FGF12: variants seen among roughly 807,000 people sequenced by gnomAD.
FGF12 encodes the protein fibroblast growth factor 12B.
In FGF12, 14 loss-of-function variants were observed where a neutral mutation model predicts 23.6. The observed-to-expected ratio is 0.59, with a 90% CI of 0.39 to 0.93. FGF12 has a LOEUF of 0.93. FGF12 is among the 40% of genes least tolerant of loss of function. FGF12 has a pLI of 0.00. For synonymous variants in FGF12, 62 were observed against 77.3 expected, an observed-to-expected ratio of 0.80 and a Z score of 1.04; for missense variants, 175 against 217.8, an observed-to-expected ratio of 0.80 and a Z score of 1.24.
intron 2 of FGF12, among the ~76,000 whole-genome samples, chr3:192,418,166 A>G (rs918194837): frequency 5.9e-5 from 9 of 152,154 alleles, no homozygotes; most frequent in African/African-American, 1.2e-4. Flanking sequence ...CTGGCTTTCA[A>G]TAAAGTCTTA....
At chr3:192,310,375 T>A (rs1041585504) in intron 4 of FGF12, among the ~76,000 whole-genome samples, 2 of 152,198 alleles carry the variant, frequency 1.3e-5, no homozygotes, top group African/African-American at 4.8e-5. Flanking sequence ...AGAAAGTATG[T>A]CTTCATGTGT....
intron 4 of FGF12, among the ~76,000 whole-genome samples, chr3:192,248,810 A>G (rs950677990): frequency 2.0e-5 from 3 of 152,102 alleles, no homozygotes; most frequent in Non-Finnish European, 4.4e-5. Flanking sequence ...TAAAATCCTA[A>G]GAGTTAATTC....
intron 4 of FGF12, among the ~76,000 whole-genome samples, chr3:192,277,374 G>T (rs1560047812): frequency 2.0e-5 from 3 of 151,854 alleles, no homozygotes; most frequent in Non-Finnish European, 4.4e-5. Context: ...GGCTGAATGA[G>T]AAAGCATTCT....
intron 2 of FGF12, among the ~76,000 whole-genome samples, chr3:192,367,341 T>C (rs1719028100): frequency 6.6e-6 from 1 of 152,220 alleles, no homozygotes; most frequent in Non-Finnish European, 1.5e-5. Flanking sequence ...GTATTAACAT[T>C]TAATGTTGTC....
intron 4 of FGF12, among the ~76,000 whole-genome samples, chr3:192,252,643 C>T (rs182690574): frequency 7.2e-5 from 11 of 151,932 alleles, no homozygotes; most frequent in East Asian, 1.9e-4. Flanking sequence ...TACTTTCTGC[C>T]GCCAACTCTT....
At chr3:192,511,166 T>G (rs2108839486) in intron 2 of FGF12, among the ~76,000 whole-genome samples, 1 of 152,090 alleles carries the variant, frequency 6.6e-6, no homozygotes, top group South Asian at 2.1e-4. Context: ...AGAAGGAGGT[T>G]GATTTTCTGG....
At chr3:192,261,687 C>T (rs1247283184) in intron 4 of FGF12, among the ~76,000 whole-genome samples, 2 of 152,130 alleles carry the variant, frequency 1.3e-5, no homozygotes, top group Non-Finnish European at 2.9e-5. Flanking sequence ...TTGCTTACAT[C>T]ATGAGCTTAC....
intron 2 of FGF12, among the ~76,000 whole-genome samples, chr3:192,614,506 A>G (rs770022025): frequency 6.6e-6 from 1 of 151,964 alleles, no homozygotes; most frequent in Non-Finnish European, 1.5e-5. Flanking sequence ...CATTCAAGTT[A>G]ATTTATCTAG....
At chr3:192,503,322 C>T (rs960457) in intron 2 of FGF12, among the ~76,000 whole-genome samples, 115,707 of 151,958 alleles carry the variant, frequency 0.76, 44,675 homozygotes, top group East Asian at 0.84. Flanking sequence ...GCCTCCTGTC[C>T]TGATCCTCTG....
At position 192,648,590 on chromosome 3, in the gene FGF12, G is replaced by T. The variant is rs558930793; in HGVS notation, c.13+78591C>A. ...AAAACCCATGAATTTTCTGGCTTTT[G>T]TTGGTTTTCATTCTTCTCCAACTAG... is the stretch of plus-strand genomic sequence containing the variant. On this transcript the variant is annotated intron_variant, in intron 2 of 5. Coordinates refer to ENST00000445105, the MANE Select transcript of FGF12 (RefSeq NM_004113.6). 3.4e-3 allele frequency among the ~76,000 whole-genome samples: 514 copies of T among 151,446 alleles called. 4 individuals are homozygous for T. The highest frequency in any genetic ancestry group is 0.012 in the African/African-American group (490 of 41,268).
intron 2 of FGF12, among the ~76,000 whole-genome samples, chr3:192,632,417 C>T (rs1175811410): frequency 6.6e-6 from 1 of 152,006 alleles, no homozygotes; most frequent in Non-Finnish European, 1.5e-5. Flanking sequence ...CACTTTTTCC[C>T]CCAGTAAGTA....
intron 2 of FGF12, among the ~76,000 whole-genome samples, chr3:192,656,459 TA>T (rs1716430642): frequency 6.6e-6 from 1 of 152,180 alleles, no homozygotes; most frequent in Non-Finnish European, 1.5e-5. Context: ...TTTGTTTCTC[TA>T]GTGCAGTGGT....
At chr3:192,319,564 TC>T (rs756595877) in intron 4 of FGF12, among the ~76,000 whole-genome samples, 20 of 152,096 alleles carry the variant, frequency 1.3e-4, no homozygotes, top group Non-Finnish European at 2.4e-4. Flanking sequence ...ACCACTGCAC[TC>T]TAGCCTGGGT....
In FGF12 at chr3:192,727,330, G is replaced by A; in HGVS notation, c.-130-7C>T. 6.5e-7 allele frequency: 1 copy of A among 1,546,622 alleles called. No individual in the cohort carries two copies. The highest frequency in any genetic ancestry group is 2.0e-5 in the Admixed American group (1 of 50,818). On this transcript the variant is annotated splice_polypyrimidine_tract_variant and splice_region_variant and intron_variant, in intron 1 of 5. Coordinates refer to ENST00000445105, the MANE Select transcript of FGF12 (RefSeq NM_004113.6). ...TTCCTTCCCCTCAGGCTTCCTGAAA[G>A]ATGGGATTTCTTAAACCTTGAAGCT...
At chr3:192,296,561 T>G (rs1715053956) in intron 4 of FGF12, among the ~76,000 whole-genome samples, 1 of 152,196 alleles carries the variant, frequency 6.6e-6, no homozygotes, top group Non-Finnish European at 1.5e-5. Context: ...AAAATTGTCC[T>G]GATTTAATAA....
chr3:192,340,044 A>G (rs371904332), intron 3 of FGF12, among the ~76,000 whole-genome samples: 1 of 152,102 alleles, frequency 6.6e-6, no homozygotes, highest in Non-Finnish European at 1.5e-5. Flanking sequence ...TTTGTGCTAC[A>G]TGGCACTTTC....
intron 2 of FGF12, among the ~76,000 whole-genome samples, chr3:192,644,967 G>A (rs937403075): frequency 4.6e-5 from 7 of 152,126 alleles, no homozygotes; most frequent in Admixed American, 1.3e-4. Context: ...ATGACTATAA[G>A]TTTGTTAAGT....
Position 192,719,894 on chromosome 3 carries a change from A to G in FGF12, c.13+7287T>C, listed in dbSNP as rs148557466. On this transcript the variant is annotated intron_variant, in intron 2 of 5. Transcript: ENST00000445105. Reference sequence around the variant, plus strand: ...CAAGTATCTGAAAAGAAATTTCCCAAATTACCTGTGTTGAGGTTTGTTCAA... The same window carrying G: ...CAAGTATCTGAAAAGAAATTTCCCAGATTACCTGTGTTGAGGTTTGTTCAA... Among the ~76,000 whole-genome samples the G allele has an allele frequency of 5.2e-3, 788 of 152,300 alleles. 3 individuals are homozygous for G. The highest frequency in any genetic ancestry group is 9.5e-3 in the Non-Finnish European group (646 of 68,026).
At chr3:192,655,833 C>T (rs1184242494) in intron 2 of FGF12, among the ~76,000 whole-genome samples, 2 of 151,894 alleles carry the variant, frequency 1.3e-5, no homozygotes, top group African/African-American at 4.8e-5. Flanking sequence ...ATGATGTTTG[C>T]AAACCCGCAT....
Sources: gnomAD v4.1 joint callset for allele counts (sites outside exome capture counted in the v4.1 genomes callset) on GRCh38, gnomAD v4.1.1 for gene constraint, MANE v1.5 for transcripts, NCBI Gene and HGNC (gene_info 2026-07-23, HGNC 2026-07-21) for gene names.